The following SPATA13 variants were observed in gnomAD, a reference collection of about 807,000 sequenced individuals.
SPATA13 encodes spermatogenesis associated 13.
SPATA13 carries 50 observed loss-of-function variants against 104.0 expected under a neutral mutation model. The ratio of observed to expected loss-of-function variants is 0.48; its 90% confidence interval spans 0.38 to 0.61. SPATA13 has a LOEUF of 0.61. Ranked by LOEUF, SPATA13 falls within the 20% of genes least tolerant of loss-of-function variation. The pLI, the probability that SPATA13 is intolerant of heterozygous loss-of-function variation, is 0.00. For missense variants in SPATA13, 1,524 were observed against 1,690.6 expected (o/e 0.90, Z 1.73); for synonymous variants, 606 against 667.5 (o/e 0.91, Z 1.42).
intron 1 of SPATA13, among the ~76,000 whole-genome samples, chr13:23,982,841 C>A (rs1205322016): frequency 1.3e-5 from 2 of 152,180 alleles, no homozygotes; most frequent in Non-Finnish European, 2.9e-5. Flanking sequence ...CATTGCAAAC[C>A]AGGTACACGT....
chr13:24,015,324 T>G (rs1340896373), intron 2 of SPATA13, among the ~76,000 whole-genome samples: 1 of 152,206 alleles, frequency 6.6e-6, no homozygotes. Context: ...ATTATTTAAT[T>G]TTTTTCCCAA....
At chr13:24,056,273 T>C (rs1192918073) in intron 3 of SPATA13, among the ~76,000 whole-genome samples, 1 of 152,244 alleles carries the variant, frequency 6.6e-6, no homozygotes, top group Non-Finnish European at 1.5e-5. Flanking sequence ...ATCTACTATA[T>C]GTCCACCTTC....
chr13:24,141,383 G>C (rs1189587124), intron 3 of SPATA13, among the ~76,000 whole-genome samples: 3 of 152,064 alleles, frequency 2.0e-5, no homozygotes, highest in Non-Finnish European at 4.4e-5. Context: ...TCTAGTGAAG[G>C]TCACTTGTTG....
intron 3 of SPATA13, among the ~76,000 whole-genome samples, chr13:24,090,425 A>C (rs951056705): frequency 2.0e-5 from 3 of 152,204 alleles, no homozygotes; most frequent in Middle Eastern, 3.4e-3. Flanking sequence ...AAACACAACC[A>C]TCTAAGGTTA....
At chr13:24,220,136 T>C (rs887909965) in intron 1 of SPATA13, among the ~76,000 whole-genome samples, 3 of 152,156 alleles carry the variant, frequency 2.0e-5, no homozygotes, top group African/African-American at 4.8e-5. Context: ...TAGATGCTCA[T>C]GAAGTGGGTA....
At chr13:24,104,387 G>A (rs1419673743) in intron 3 of SPATA13, among the ~76,000 whole-genome samples, 2 of 152,052 alleles carry the variant, frequency 1.3e-5, no homozygotes, top group Non-Finnish European at 2.9e-5. Flanking sequence ...TTTTAGAGAG[G>A]TTTGGTTTTA....
intron 3 of SPATA13, among the ~76,000 whole-genome samples, chr13:24,134,554 G>A (rs1479763722): frequency 6.6e-6 from 1 of 151,678 alleles, no homozygotes; most frequent in East Asian, 1.9e-4. Flanking sequence ...CCAGGAGAGA[G>A]GAAAATTGGT....
chr13:24,203,254 A>G (rs1870525451), intron 1 of SPATA13, among the ~76,000 whole-genome samples: 2 of 152,034 alleles, frequency 1.3e-5, no homozygotes, highest in African/African-American at 4.8e-5. Context: ...TTGTAAAAGT[A>G]TAAAGAACCA....
chr13:24,144,852 T>C (rs1485420187), intron 3 of SPATA13, among the ~76,000 whole-genome samples: 1 of 152,236 alleles, frequency 6.6e-6, no homozygotes, highest in Non-Finnish European at 1.5e-5. Context: ...TCCTTGCCTT[T>C]GTCTTCCAGT....
At chr13:24,118,212 C>A (rs533739614) in intron 3 of SPATA13, among the ~76,000 whole-genome samples, 8 of 152,296 alleles carry the variant, frequency 5.3e-5, no homozygotes, top group African/African-American at 1.9e-4. Context: ...GTTCCACCAC[C>A]TGACATTGCT....
intron 1 of SPATA13, among the ~76,000 whole-genome samples, chr13:24,188,884 GA>G (rs1468440094): frequency 6.6e-6 from 1 of 152,160 alleles, no homozygotes; most frequent in Non-Finnish European, 1.5e-5. Flanking sequence ...TTACCATTCT[GA>G]AAATCCTAGG....
At chr13:24,208,665 G>A (rs1870845994) in intron 1 of SPATA13, among the ~76,000 whole-genome samples, 1 of 150,238 alleles carries the variant, frequency 6.7e-6, no homozygotes, top group Non-Finnish European at 1.5e-5. Flanking sequence ...ATGCACCCTG[G>A]TTTCTCATTA....
intron 3 of SPATA13, among the ~76,000 whole-genome samples, chr13:24,151,179 GCTTCC>G (rs1882090219): frequency 6.6e-6 from 1 of 152,160 alleles, no homozygotes; most frequent in African/African-American, 2.4e-5. Flanking sequence ...AGACCCAGAT[GCTTCC>G]TCCCGCAGTG....
At chr13:24,059,002 T>C (rs1878675118) in intron 3 of SPATA13, among the ~76,000 whole-genome samples, 1 of 151,660 alleles carries the variant, frequency 6.6e-6, no homozygotes, top group Non-Finnish European at 1.5e-5. Flanking sequence ...GACGGAGTCT[T>C]GCTCTGTCAC....
chr13:24,270,067 G>A (rs534352519), intron 4 of SPATA13, among the ~76,000 whole-genome samples: 6 of 151,972 alleles, frequency 3.9e-5, no homozygotes, highest in Non-Finnish European at 8.8e-5. Flanking sequence ...ACTACTTTGC[G>A]TATATATTAC....
chr13:24,252,127 T>A (rs540617620), intron 4 of SPATA13, among the ~76,000 whole-genome samples: 1 of 151,984 alleles, frequency 6.6e-6, no homozygotes, highest in Non-Finnish European at 1.5e-5. Context: ...CATGTGGAGA[T>A]CCCTAAAGAA....
rs34668799 is a variant in SPATA13, at chr13:23,999,368, C to CAAAAAAAAAAAA, written c.-147+15445_-147+15456dup. ...TTAGAAACAGATCCTCATTTTCTAC[C>CAAAAAAAAAAAA]AAAAAAAAAAAAAAAAAAAAAGCCT... On this transcript the variant is annotated intron_variant, in intron 2 of 14. Coordinates refer to the SPATA13 transcript ENST00000424834. Among the ~76,000 whole-genome samples, 143 of 94,354 alleles carry CAAAAAAAAAAAA rather than the reference C, an allele frequency of 1.5e-3. 11 individuals are homozygous for CAAAAAAAAAAAA. The highest frequency in any genetic ancestry group is 1.8e-3 in the Non-Finnish European group (87 of 48,084). 61.9% of individuals were successfully genotyped at this position (94,354 alleles called of 152,430 possible). A position where few individuals can be genotyped will look rare whatever the true frequency, so the allele number is the denominator to read the frequency against.
chr13:24,233,599 A>C (rs1593445056), intron 2 of SPATA13, among the ~76,000 whole-genome samples: 1 of 152,216 alleles, frequency 6.6e-6, no homozygotes, highest in South Asian at 2.1e-4. Flanking sequence ...TTTTACTTTA[A>C]CAATGGAATC....
intron 2 of SPATA13, among the ~76,000 whole-genome samples, chr13:24,013,739 C>G (rs1593276241): frequency 6.8e-6 from 1 of 146,076 alleles, no homozygotes. Context: ...GAAGACCAGG[C>G]TGTCAACAGT....
Sources: allele counts gnomAD v4.1 joint callset (sites outside exome capture counted in the v4.1 genomes callset), GRCh38; gene constraint gnomAD v4.1.1; transcripts MANE v1.5; gene names NCBI Gene and HGNC (gene_info 2026-07-23, HGNC 2026-07-21).